Variants in LSAMP observed in about 807,000 individuals in gnomAD.
LSAMP encodes the protein limbic system associated membrane protein.
In LSAMP, 7 loss-of-function variants were observed where a neutral mutation model predicts 38.6. That is an observed-to-expected ratio of 0.18 (90% CI 0.10 to 0.34). The LOEUF is 0.34. Ranked by LOEUF, LSAMP falls within the 10% of genes least tolerant of loss-of-function variation. The pLI, the probability that LSAMP is intolerant of heterozygous loss-of-function variation, is 1.00. For synonymous variants in LSAMP, 154 were observed against 166.8 expected (o/e 0.92, Z 0.59); for missense variants, 313 against 420.0 (o/e 0.75, Z 2.23).
At chr3:115,989,388 A>T (rs1038682193) in intron 3 of LSAMP, among the ~76,000 whole-genome samples, 3 of 152,118 alleles carry the variant, frequency 2.0e-5, no homozygotes, top group Admixed American at 6.6e-5. Context: ...TTTTTTACTA[A>T]TAACAAAGCT....
chr3:115,863,695 C>T (rs981671622), intron 3 of LSAMP, among the ~76,000 whole-genome samples: 2 of 151,694 alleles, frequency 1.3e-5, no homozygotes, highest in East Asian at 3.9e-4. Flanking sequence ...CATTTGATGC[C>T]TTCCTATCCT....
intron 1 of LSAMP, among the ~76,000 whole-genome samples, chr3:116,305,547 GA>G (rs199767566): frequency 6.1e-5 from 9 of 147,166 alleles, no homozygotes; most frequent in East Asian, 2.0e-4. Flanking sequence ...CAGCTTGCAC[GA>G]AAAAAAAATA....
chr3:115,944,989 A>G (rs1255428454), intron 3 of LSAMP, among the ~76,000 whole-genome samples: 1 of 151,966 alleles, frequency 6.6e-6, no homozygotes, highest in Non-Finnish European at 1.5e-5. Context: ...GATATTAAGT[A>G]CCATTTTTTT....
chr3:115,869,200 A>G (rs1935947276), intron 3 of LSAMP, among the ~76,000 whole-genome samples: 1 of 151,812 alleles, frequency 6.6e-6, no homozygotes, highest in African/African-American at 2.4e-5. Context: ...GCCATAAACA[A>G]AAAGCCAGAT....
intron 3 of LSAMP, among the ~76,000 whole-genome samples, chr3:115,969,638 G>A (rs761105118): frequency 6.6e-5 from 10 of 152,066 alleles, no homozygotes; most frequent in African/African-American, 1.4e-4. Context: ...GGTATCATTC[G>A]TTTGTTTTAA....
chr3:116,045,558 A>C (rs535334940), intron 2 of LSAMP, among the ~76,000 whole-genome samples: 18 of 151,584 alleles, frequency 1.2e-4, no homozygotes, highest in Admixed American at 1.2e-3. Flanking sequence ...AAAAAAAAAA[A>C]AAAAGCCTAA....
chr3:116,198,638 G>C (rs916794074), intron 1 of LSAMP, among the ~76,000 whole-genome samples: 2 of 152,034 alleles, frequency 1.3e-5, no homozygotes, highest in African/African-American at 4.8e-5. Flanking sequence ...GGGCTTCGTA[G>C]CGGGCAGCTG....
At chr3:116,391,942 G>A (rs956894077) in intron 1 of LSAMP, among the ~76,000 whole-genome samples, 1 of 152,160 alleles carries the variant, frequency 6.6e-6, no homozygotes, top group African/African-American at 2.4e-5. Flanking sequence ...TGCCAACCCT[G>A]ACACTCCAAA....
At chr3:115,970,302 C>T (rs1938972339) in intron 3 of LSAMP, among the ~76,000 whole-genome samples, 2 of 152,148 alleles carry the variant, frequency 1.3e-5, no homozygotes, top group Non-Finnish European at 2.9e-5. Flanking sequence ...AATTTCAAGT[C>T]CACAGAGCGA....
rs559731805 is a variant in LSAMP, at chr3:115,871,392, G to A, written c.515-18775C>T. Among the ~76,000 whole-genome samples the A allele has an allele frequency of 3.3e-5, 5 of 152,190 alleles. No individual in the cohort carries two copies. The East Asian group carries it at 9.7e-4, about 29-fold the overall frequency. On this transcript the variant is annotated intron_variant, in intron 3 of 6. Coordinates refer to ENST00000490035, the MANE Select transcript of LSAMP (RefSeq NM_002338.5). ...ATCAGAAGACAATCATCCTTAGACA[G>A]GTGTATTCCTGGGAAATCAACCTTA...
rs145242372 is a variant in LSAMP at position 116,304,545 on chromosome 3, C to T, written c.155+140332G>A. ...TGCAGAGACATGGGAAAGGAAACAA[C>T]TGAGCTGGGAAGCGTGGGTCAGGAT... On this transcript the variant is annotated intron_variant, in intron 1 of 6. Transcript: ENST00000490035. Among the ~76,000 whole-genome samples the T allele has an allele frequency of 1.3e-3, 199 of 152,178 alleles. 4 individuals are homozygous for T. Among genetic ancestry groups the T allele is most frequent in the Admixed American group, 0.011 (173 of 15,270 alleles).
At chr3:116,140,255 A>T (rs566854178) in intron 1 of LSAMP, among the ~76,000 whole-genome samples, 3 of 152,132 alleles carry the variant, frequency 2.0e-5, no homozygotes, top group East Asian at 3.9e-4. Flanking sequence ...AGAAAAGCCA[A>T]GTGCAATAAC....
intron 1 of LSAMP, among the ~76,000 whole-genome samples, chr3:116,334,667 T>G (rs1210115445): frequency 6.6e-6 from 1 of 152,068 alleles, no homozygotes; most frequent in Non-Finnish European, 1.5e-5. Flanking sequence ...TCTCAGTTGA[T>G]GTAAAGATGA....
chr3:116,049,504 G>A (rs1268784799), intron 2 of LSAMP, among the ~76,000 whole-genome samples: 1 of 152,150 alleles, frequency 6.6e-6, no homozygotes, highest in African/African-American at 2.4e-5. Context: ...CAAACTCTGT[G>A]TTTGTAGGGT....
chr3:116,123,886 T>G (rs1053098163), intron 1 of LSAMP, among the ~76,000 whole-genome samples: 2 of 152,176 alleles, frequency 1.3e-5, no homozygotes, highest in Admixed American at 6.5e-5. Flanking sequence ...GACTATTCAC[T>G]AAGAAACTAT....
chr3:116,173,552 T>C (rs534990779), intron 1 of LSAMP, among the ~76,000 whole-genome samples: 13 of 152,158 alleles, frequency 8.5e-5, no homozygotes, highest in Non-Finnish European at 1.2e-4. Context: ...ATAGTAGGGA[T>C]AGGACCATTA....
At chr3:116,436,198 T>G (rs2049347511) in intron 1 of LSAMP, among the ~76,000 whole-genome samples, 1 of 152,006 alleles carries the variant, frequency 6.6e-6, no homozygotes, top group Non-Finnish European at 1.5e-5. Context: ...AAAAATCAAC[T>G]CAAGATGGAT....
chr3:115,978,025 TTTTGAAACAC>T (rs1939242062), intron 3 of LSAMP, among the ~76,000 whole-genome samples: 1 of 152,096 alleles, frequency 6.6e-6, no homozygotes, highest in African/African-American at 2.4e-5. Context: ...TCTTTCTATC[TTTTGAAACAC>T]GGTCTCTCTG....
chr3:116,437,037 A>ATG (rs540273567), intron 1 of LSAMP, among the ~76,000 whole-genome samples: 2,305 of 131,180 alleles, frequency 0.018, 70 homozygotes, highest in African/African-American at 0.066. Context: ...ATATATATAT[A>ATG]TGTGTATATA....
Sources: gnomAD v4.1 joint callset for allele counts (sites outside exome capture counted in the v4.1 genomes callset) on GRCh38, gnomAD v4.1.1 for gene constraint, MANE v1.5 for transcripts, NCBI Gene and HGNC (gene_info 2026-07-23, HGNC 2026-07-21) for gene names.